Variants in RAB11FIP3 observed in about 807,000 individuals in gnomAD.
RAB11FIP3 encodes RAB11 family interacting protein 3.
Under a neutral mutation model 77.8 loss-of-function variants are expected in RAB11FIP3, and 17 were observed. That is an observed-to-expected ratio of 0.22 (90% CI 0.15 to 0.33). The LOEUF (loss-of-function observed/expected upper bound fraction) is 0.33, where lower values mean the gene tolerates loss of function less well. Ranked by LOEUF, RAB11FIP3 falls within the 10% of genes least tolerant of loss-of-function variation. The pLI is 1.00. For missense variants in RAB11FIP3, 1,005 were observed against 1,011.2 expected (o/e 0.99, Z 0.08); for synonymous variants, 437 against 448.2 (o/e 0.98, Z 0.31).
rs115574616 is a variant in RAB11FIP3 at position 475,192 on chromosome 16, T to C, written c.903+3803T>C. On this transcript the variant is annotated intron_variant, in intron 3 of 13. Coordinates refer to ENST00000262305, the MANE Select transcript of RAB11FIP3 (RefSeq NM_014700.4). ...AGAAGGAACTGTGACGGGGACAGTGTTGGCCCCACTTGAGTTACTGATGGC... is the reference window on the plus strand; with the variant it reads ...AGAAGGAACTGTGACGGGGACAGTGCTGGCCCCACTTGAGTTACTGATGGC... 1.3e-3 allele frequency: 1,702 copies of C among 1,361,428 alleles called. 22 individuals carry two copies. In the African/African-American group the frequency reaches 0.022, roughly 18 times the overall value. The allele number at this position is 1,361,428 out of a possible 1,614,324, so 84.3% of individuals were successfully genotyped here.
chr16:491,869 G>A (rs566727445), intron 5 of RAB11FIP3, among the ~76,000 whole-genome samples: 1 of 152,352 alleles, frequency 6.6e-6, no homozygotes, highest in Non-Finnish European at 1.5e-5. Flanking sequence ...GTCTGGTGAA[G>A]AAACGGGCCA....
intron 2 of RAB11FIP3, among the ~76,000 whole-genome samples, chr16:468,970 G>A (rs1468595263): frequency 6.6e-6 from 1 of 152,114 alleles, no homozygotes; most frequent in Admixed American, 6.5e-5. Flanking sequence ...AAAATGCTTC[G>A]CTGTATATTG....
chr16:497,329 G>A (rs1481857184), intron 6 of RAB11FIP3: 1 of 1,304,076 alleles, frequency 7.7e-7, no homozygotes, highest in Non-Finnish European at 1.0e-6. Flanking sequence ...TGTGAAAGAT[G>A]GCAACATACA....
At chr16:447,389 C>T (rs1203891142) in intron 1 of RAB11FIP3, among the ~76,000 whole-genome samples, 3 of 152,138 alleles carry the variant, frequency 2.0e-5, no homozygotes, top group African/African-American at 7.2e-5. Context: ...CAGTGGCAGC[C>T]TCCTGAGTAG....
In RAB11FIP3 at chr16:520,783, G is replaced by A. The variant is rs751750453; in HGVS notation, c.2215G>A (p.Asp739Asn). 6.2e-7 allele frequency: 1 copy of A among 1,613,650 alleles called. No homozygotes were observed. The highest frequency in any genetic ancestry group is 8.5e-7 in the Non-Finnish European group (1 of 1,180,030). The stretch of plus-strand genomic sequence containing the variant: ...CAACTTCCGCCTGCAGGACTACATC[G>A]ACAGGATCATCGTGGCCATCATGGA... Reference protein sequence around the residue: ...EINFRLQDYIDRIIVAIMETN... With the variant: ...EINFRLQDYINRIIVAIMETN... Residue 739 changes from aspartate (D) to asparagine (N), a missense_variant, in exon 14 of 14, where the codon GAC (aspartate) becomes AAC (asparagine). By Grantham distance (23) the Asp-to-Asn change is conservative. This residue lies in a region of RAB11FIP3 where 90 missense variants were observed against 129.7 expected (regional missense o/e 0.69). Coordinates refer to ENST00000262305, the MANE Select transcript of RAB11FIP3 (RefSeq NM_014700.4).
chr16:464,087 C>T (rs1426940907), intron 2 of RAB11FIP3, among the ~76,000 whole-genome samples: 2 of 152,172 alleles, frequency 1.3e-5, no homozygotes, highest in African/African-American at 4.8e-5. Flanking sequence ...GCAGGCTCTG[C>T]AGGCTGAGAG....
At chr16:513,681 G>A (rs754015873) in intron 9 of RAB11FIP3, among the ~76,000 whole-genome samples, 4 of 152,196 alleles carry the variant, frequency 2.6e-5, no homozygotes, top group Non-Finnish European at 5.9e-5. Context: ...TCTTTTGCTT[G>A]TGTTCCTTCC....
intron 6 of RAB11FIP3, 149 bp downstream of exon 6, chr16:497,008 G>T: frequency 2.3e-6 from 2 of 869,204 alleles, no homozygotes; most frequent in Non-Finnish European, 1.7e-6. Flanking sequence ...AAGGTATCCT[G>T]AAGGAGTGTT....
intron 7 of RAB11FIP3, 79 bp downstream of exon 7, chr16:503,176 C>A: frequency 1.7e-6 from 2 of 1,211,952 alleles, no homozygotes; most frequent in Non-Finnish European, 2.4e-6. Context: ...GCAGACACCC[C>A]GGGAGGTGGG....
intron 6 of RAB11FIP3, among the ~76,000 whole-genome samples, chr16:498,623 A>G (rs2031309545): frequency 6.6e-6 from 1 of 151,986 alleles, no homozygotes; most frequent in African/African-American, 2.4e-5. Context: ...AGCTCAAATG[A>G]TCCTCCCTCC....
intron 3 of RAB11FIP3, among the ~76,000 whole-genome samples, chr16:473,839 G>A (rs2055852558): frequency 6.6e-6 from 1 of 152,080 alleles, no homozygotes; most frequent in Admixed American, 6.6e-5. Flanking sequence ...TCACAGAGTC[G>A]ATTCAGTGCC....
chr16:441,580 C>G (rs765675367), intron 1 of RAB11FIP3, among the ~76,000 whole-genome samples: 1 of 152,192 alleles, frequency 6.6e-6, no homozygotes, highest in Non-Finnish European at 1.5e-5. Context: ...CGTTGCCTCT[C>G]TAAATTGATC....
intron 6 of RAB11FIP3, among the ~76,000 whole-genome samples, chr16:501,595 G>T (rs962474267): frequency 5.4e-5 from 8 of 147,898 alleles, no homozygotes; most frequent in African/African-American, 2.0e-4. Context: ...AAGGAAGCTG[G>T]GAGAGGGTCC....
At chr16:492,296 C>T (rs571938275) in intron 5 of RAB11FIP3, among the ~76,000 whole-genome samples, 131 of 146,802 alleles carry the variant, frequency 8.9e-4, no homozygotes, top group East Asian at 4.9e-3. Context: ...CACTGATGGC[C>T]ATTCTGGAGC....
chr16:440,542 G>A (rs2055208573), intron 1 of RAB11FIP3, among the ~76,000 whole-genome samples: 1 of 152,206 alleles, frequency 6.6e-6, no homozygotes, highest in African/African-American at 2.4e-5. Context: ...AGCTAGGCCT[G>A]GCCAGCTGGC....
intron 2 of RAB11FIP3, among the ~76,000 whole-genome samples, chr16:469,258 T>G (rs1354796804): frequency 6.6e-6 from 1 of 152,012 alleles, no homozygotes; most frequent in Non-Finnish European, 1.5e-5. Context: ...GTATTTTTAG[T>G]ACAGACGGGT....
intron 10 of RAB11FIP3, among the ~76,000 whole-genome samples, chr16:519,376 C>T (rs1284200565): frequency 6.6e-6 from 1 of 152,224 alleles, no homozygotes; most frequent in Non-Finnish European, 1.5e-5. Flanking sequence ...TCCCTGCCCC[C>T]ACCTCACCAG....
chr16:489,105 C>G, intron 5 of RAB11FIP3, 105 bp downstream of exon 5: 1 of 1,321,682 alleles, frequency 7.6e-7, no homozygotes, highest in Non-Finnish European at 1.0e-6. Flanking sequence ...ACTTGCTTTC[C>G]TTGACGTCAT....
intron 1 of RAB11FIP3, chr16:451,348 C>T (rs755413122): frequency 2.0e-5 from 3 of 152,046 alleles, no homozygotes; most frequent in Non-Finnish European, 4.4e-5. Flanking sequence ...CACCCCTGCA[C>T]CTCACCCTCC....
Sources: allele counts gnomAD v4.1 joint callset (sites outside exome capture counted in the v4.1 genomes callset), GRCh38; gene constraint gnomAD v4.1.1; regional missense constraint gnomAD v4.1.1; transcripts MANE v1.5; gene names NCBI Gene and HGNC (gene_info 2026-07-23, HGNC 2026-07-21).